Variants in TOM1L1 observed in about 807,000 individuals in gnomAD.
The protein encoded by TOM1L1 is target of myb1 like 1 membrane trafficking protein.
Under a neutral mutation model 63.4 loss-of-function variants are expected in TOM1L1, and 64 were observed. That is an observed-to-expected ratio of 1.01 (90% CI 0.83 to 1.24). The LOEUF is 1.24. TOM1L1 is among the 50% of genes most tolerant of loss of function. TOM1L1 has a pLI of 0.00. For missense variants in TOM1L1, 536 were observed against 567.0 expected (o/e 0.95, Z 0.55); for synonymous variants, 166 against 194.4 (o/e 0.85, Z 1.22).
At chr17:54,948,887 G>A (rs1451900679) in intron 12 of TOM1L1, among the ~76,000 whole-genome samples, 1 of 152,118 alleles carries the variant, frequency 6.6e-6, no homozygotes, top group Non-Finnish European at 1.5e-5. Context: ...TCCTACTCAA[G>A]GCTGAGATTT....
rs748336478 is a variant in TOM1L1, at chr17:54,936,653, A to T, written c.859A>T (p.Thr287Ser). ...GCATTTTGATCATTTAAACAGGTTT[A>T]CTAGAAACCAACAAAGGATTTTGGA... ...NNAILGYERF[T>S]RNQQRILEQN... Residue 287 changes from threonine to serine, a missense_variant, in exon 9 of 16, where the codon ACT becomes TCT. Coordinates refer to ENST00000575882, the MANE Select transcript of TOM1L1 (RefSeq NM_005486.3). The T allele has an allele frequency of 7.5e-6, 12 of 1,604,928 alleles. 1 individual carries two copies. The South Asian group carries it at 1.2e-4, about 17-fold the overall frequency.
intron 14 of TOM1L1, among the ~76,000 whole-genome samples, chr17:54,956,577 G>A (rs148522313): frequency 0.024 from 3,628 of 152,144 alleles, 103 homozygotes; most frequent in Admixed American, 0.08. Flanking sequence ...CCAAAGTGCT[G>A]GGATTACAGG....
intron 2 of TOM1L1, among the ~76,000 whole-genome samples, chr17:54,904,113 A>G (rs919695589): frequency 2.4e-4 from 37 of 152,180 alleles, no homozygotes; most frequent in Admixed American, 8.5e-4. Context: ...CACGCCTGTA[A>G]TCCCAGCACT....
At chr17:54,951,119 G>C (rs2049222310) in intron 14 of TOM1L1, among the ~76,000 whole-genome samples, 1 of 152,220 alleles carries the variant, frequency 6.6e-6, no homozygotes, top group African/African-American at 2.4e-5. Flanking sequence ...CTGGCTTCAA[G>C]TTGGGGTTCC....
chr17:54,941,155 A>G (rs891649088), intron 11 of TOM1L1, among the ~76,000 whole-genome samples: 1 of 152,188 alleles, frequency 6.6e-6, no homozygotes, highest in African/African-American at 2.4e-5. Flanking sequence ...AATGCAGCAT[A>G]CTATCACTGT....
At chr17:54,912,892 A>T in intron 4 of TOM1L1, 77 bp downstream of exon 4, 1 of 1,257,352 alleles carries the variant, frequency 8.0e-7, no homozygotes, top group South Asian at 2.1e-5. Flanking sequence ...TGATTGTTTC[A>T]CTTATCTTTT....
In TOM1L1 at chr17:54,915,770, G is replaced by A; in HGVS notation, c.628G>A (p.Asp210Asn). 6.2e-7 allele frequency: 1 copy of A among 1,611,938 alleles called. No homozygotes were observed. Among genetic ancestry groups the A allele is most frequent in the South Asian group, 1.1e-5 (1 of 90,710 alleles). ...GATTGGAAAACTGCACAGTGAATTG[G>A]ATATGGTGAAAATGAATGTGCGAGT... ...EQIGKLHSEL[D>N]MVKMNVRVMS... is the part of the protein sequence containing the mutation. The change falls in exon 7 of 16, where the codon GAT (aspartate) becomes AAT (asparagine). Residue 210 changes from aspartate (D) to asparagine (N), a missense_variant. Physicochemically the swap from Asp to Asn is conservative, Grantham distance 23. Coordinates refer to ENST00000575882, the MANE Select transcript of TOM1L1 (RefSeq NM_005486.3).
chr17:54,932,294 G>A (rs1162582770), intron 8 of TOM1L1, among the ~76,000 whole-genome samples: 1 of 152,158 alleles, frequency 6.6e-6, no homozygotes, highest in African/African-American at 2.4e-5. Context: ...GAGGCTGCAT[G>A]CACTGGTAAT....
intron 3 of TOM1L1, among the ~76,000 whole-genome samples, chr17:54,912,282 G>A (rs991624262): frequency 6.6e-6 from 1 of 152,090 alleles, no homozygotes; most frequent in Non-Finnish European, 1.5e-5. Context: ...AAAGTGAAAG[G>A]GTGTGTCATC....
chr17:54,929,741 G>GTTT (rs61518775), intron 7 of TOM1L1, among the ~76,000 whole-genome samples: 2,983 of 142,006 alleles, frequency 0.021, 81 homozygotes, highest in East Asian at 0.13. Context: ...AAAAACATGT[G>GTTT]TTTTTTTTTT....
intron 7 of TOM1L1, among the ~76,000 whole-genome samples, chr17:54,924,352 T>C (rs1282924328): frequency 6.6e-6 from 1 of 151,270 alleles, no homozygotes; most frequent in Non-Finnish European, 1.5e-5. Context: ...CGATCTCTGC[T>C]CACTGCAACC....
chr17:54,922,828 A>G (rs2048706312), intron 7 of TOM1L1, among the ~76,000 whole-genome samples: 1 of 152,136 alleles, frequency 6.6e-6, no homozygotes, highest in Admixed American at 6.5e-5. Flanking sequence ...TTCAAGGTTC[A>G]ACAGTATTTC....
chr17:54,949,554 G>C lies in TOM1L1; in HGVS notation c.1219G>C (p.Val407Leu), dbSNP rs550794811. ...EHSNSVFLQP[V>L]SLQTIAAAPS... ...TTCAAATTCAGTGTTTCTACAGCCA[G>C]TTAGTCTACAAACCATTGCAGCAGC... The change falls in exon 13 of 16, where the codon GTT becomes CTT. Residue 407 changes from valine (V) to leucine (L), a missense_variant. Val to Leu is a conservative substitution (Grantham distance 32). Transcript: ENST00000575882. 17 of 1,614,006 alleles carry C rather than the reference G, an allele frequency of 1.1e-5. No individual in the cohort carries two copies. Among genetic ancestry groups the C allele is most frequent in the Non-Finnish European group, 1.4e-5 (17 of 1,179,928 alleles).
rs1175824041 is a variant in TOM1L1, at chr17:54,937,176, G to C, written c.983G>C (p.Arg328Thr). 6.2e-7 allele frequency: 1 copy of C among 1,613,626 alleles called. No homozygotes were observed. The highest frequency in any genetic ancestry group is 2.2e-5 in the East Asian group (1 of 44,840). Residue 328 changes from arginine (R) to threonine (T), a missense_variant, in exon 10 of 16, where the codon AGG becomes ACG. Physicochemically the swap from Arg to Thr is moderately conservative, Grantham distance 71. Transcript: ENST00000575882. ...CTAAGTCCCAGTCCCCGGATGCCTAGGGCCACTCTGGGAGAACTCAACACC... is the reference window on the plus strand; with the variant it reads ...CTAAGTCCCAGTCCCCGGATGCCTACGGCCACTCTGGGAGAACTCAACACC... ...LDLSPSPRMP[R>T]ATLGELNTMN...
chr17:54,932,652 C>T (rs1307811946), intron 8 of TOM1L1, among the ~76,000 whole-genome samples: 2 of 152,064 alleles, frequency 1.3e-5, no homozygotes, highest in East Asian at 1.9e-4. Context: ...AACTCTTGAC[C>T]TCAGGTGATC....
chr17:54,958,983 C>A (rs1211666914), intron 14 of TOM1L1, among the ~76,000 whole-genome samples: 1 of 151,992 alleles, frequency 6.6e-6, no homozygotes, highest in African/African-American at 2.4e-5. Context: ...ATGGACAATA[C>A]AAATGAAGAT....
chr17:54,902,497 C>G (rs1391965750), intron 1 of TOM1L1, among the ~76,000 whole-genome samples: 1 of 152,150 alleles, frequency 6.6e-6, no homozygotes, highest in Non-Finnish European at 1.5e-5. Flanking sequence ...ACCATGCTGG[C>G]CAGGCTGGTC....
intron 2 of TOM1L1, among the ~76,000 whole-genome samples, chr17:54,904,899 GT>G (rs1567818365): frequency 1.3e-5 from 2 of 152,212 alleles, no homozygotes; most frequent in African/African-American, 2.4e-5. Flanking sequence ...AGTGTGTATG[GT>G]TTTTTTCCTA....
chr17:54,942,699 C>A (rs1482838219), intron 11 of TOM1L1, among the ~76,000 whole-genome samples: 1 of 152,008 alleles, frequency 6.6e-6, no homozygotes, highest in Non-Finnish European at 1.5e-5. Flanking sequence ...CTAAAATTGA[C>A]CTTTTTTGTT....
Sources: gnomAD v4.1 joint callset for allele counts (sites outside exome capture counted in the v4.1 genomes callset) on GRCh38, gnomAD v4.1.1 for gene constraint, MANE v1.5 for transcripts, NCBI Gene and HGNC (gene_info 2026-07-23, HGNC 2026-07-21) for gene names.